Variants in RANBP17 observed in about 807,000 individuals in gnomAD.
RANBP17 encodes the protein ran-binding protein 17.
Under a neutral mutation model 141.2 loss-of-function variants are expected in RANBP17, and 158 were observed. That is an observed-to-expected ratio of 1.12 (90% confidence interval 0.98 to 1.28). The LOEUF (loss-of-function observed/expected upper bound fraction) is 1.28, where lower values mean the gene tolerates loss of function less well. Ranked by LOEUF, RANBP17 falls within the 50% of genes most tolerant of loss-of-function variation. RANBP17 has a pLI of 0.00. For synonymous variants in RANBP17, 430 were observed against 450.0 expected, an observed-to-expected ratio of 0.96 and a Z score of 0.56; for missense variants, 1,438 against 1,290.7, an observed-to-expected ratio of 1.11 and a Z score of -1.75.
At chr5:171,210,674 G>A (rs1023406283) in intron 20 of RANBP17, among the ~76,000 whole-genome samples, 1 of 151,934 alleles carries the variant, frequency 6.6e-6, no homozygotes, top group Non-Finnish European at 1.5e-5. Context: ...TTATATGTTG[G>A]TCACCCTAAT....
chr5:171,182,098 A>G (rs1265186894), intron 16 of RANBP17, among the ~76,000 whole-genome samples: 1 of 152,242 alleles, frequency 6.6e-6, no homozygotes, highest in Non-Finnish European at 1.5e-5. Flanking sequence ...GCCCCTGTGC[A>G]GAGGCAATAG....
At chr5:171,061,494 A>G (rs1451796081) in intron 14 of RANBP17, among the ~76,000 whole-genome samples, 1 of 151,744 alleles carries the variant, frequency 6.6e-6, no homozygotes, top group Non-Finnish European at 1.5e-5. Context: ...CTTAATCCTG[A>G]GTTCTAGTTT....
chr5:171,212,111 G>T (rs564375430), intron 20 of RANBP17, among the ~76,000 whole-genome samples: 1 of 152,214 alleles, frequency 6.6e-6, no homozygotes, highest in African/African-American at 2.4e-5. Context: ...CCATTAGGGA[G>T]AGGTAGGAGG....
chr5:171,239,171 C>T (rs1020687773), intron 22 of RANBP17, among the ~76,000 whole-genome samples: 6 of 152,054 alleles, frequency 3.9e-5, no homozygotes, highest in Non-Finnish European at 8.8e-5. Context: ...AGTAAATTAC[C>T]AGATATGCTT....
rs765925345 is a variant in RANBP17, at chr5:170,914,168, T to C, written c.762T>C (p.Ile254=). Residue 254 remains isoleucine (I), a splice_region_variant and synonymous_variant, in exon 8 of 28, where the codon ATT becomes ATC. Coordinates refer to ENST00000523189, the MANE Select transcript of RANBP17 (RefSeq NM_022897.5). The stretch of plus-strand genomic sequence containing the variant: ...TTAGAAAATAATTTTTTTTCCCAGT[T>C]TTCCTGGAACCAGAAACATTGGATC... ...TVQIPTTWRT[I]FLEPETLDLF... 6.2e-7 allele frequency: 1 copy of C among 1,602,198 alleles called. No individual in the cohort carries two copies. The highest frequency in any genetic ancestry group is 1.1e-5 in the South Asian group (1 of 90,774).
intron 24 of RANBP17, chr5:171,252,322 C>T (rs571400706): frequency 6.9e-5 from 107 of 1,544,224 alleles, no homozygotes; most frequent in Middle Eastern, 1.8e-4. Context: ...AGACCCAATG[C>T]GGGTTCATGA....
Position 170,897,013 on chromosome 5 carries a change from G to A in RANBP17, c.489+898G>A, listed in dbSNP as rs757840861. On this transcript the variant is annotated intron_variant, in intron 5 of 27. Transcript: ENST00000523189. ...CTGGGACCTGGCACTAAGGGAGCACGCCGCGGTCAGCCAGAAAGGAATCTA... is the reference window on the plus strand; with the variant it reads ...CTGGGACCTGGCACTAAGGGAGCACACCGCGGTCAGCCAGAAAGGAATCTA... 10 of 1,096,252 alleles carry A rather than the reference G, an allele frequency of 9.1e-6. No homozygotes were observed. In the African/African-American group the frequency reaches 9.4e-5, roughly 10 times the overall value. The allele number at this position is 1,096,252 out of a possible 1,614,324, so 67.9% of individuals were successfully genotyped here. A position where few individuals can be genotyped will look rare whatever the true frequency, so the allele number is the denominator to read the frequency against.
rs1226568384 is a variant in RANBP17, at chr5:170,919,516, G to T, written c.1177G>T (p.Val393Leu). ...WQRMVASVPF[V>L]KSTEPHLLDT... ...AAGGATGGTAGCATCTGTTCCTTTT[G>T]TGAAATCAACTGAACCCCACCTATT... Residue 393 changes from valine (V) to leucine (L), a missense_variant, in exon 11 of 28, where the codon GTG becomes TTG. Coordinates refer to ENST00000523189, the MANE Select transcript of RANBP17 (RefSeq NM_022897.5). 1.2e-6 allele frequency: 2 copies of T among 1,611,788 alleles called. No homozygotes were observed.
intron 14 of RANBP17, among the ~76,000 whole-genome samples, chr5:170,992,617 A>G (rs981239785): frequency 7.2e-5 from 11 of 152,186 alleles, no homozygotes; most frequent in African/African-American, 2.2e-4. Flanking sequence ...TCAGCATACT[A>G]CCTTTCACCT....
At chr5:171,205,688 A>G (rs776293671) in intron 20 of RANBP17, 76 bp downstream of exon 20, 62 of 1,111,786 alleles carry the variant, frequency 5.6e-5, no homozygotes, top group Non-Finnish European at 8.1e-5. Context: ...GTTTAATAGT[A>G]TGGCACAGTA....
chr5:171,103,316 G>C (rs1236426080), intron 14 of RANBP17, among the ~76,000 whole-genome samples: 1 of 152,210 alleles, frequency 6.6e-6, no homozygotes, highest in African/African-American at 2.4e-5. Flanking sequence ...GAGGAATCTG[G>C]AGAGGCAGTC....
At chr5:171,252,308 C>T in intron 24 of RANBP17, 1 of 1,550,506 alleles carries the variant, frequency 6.4e-7, no homozygotes, top group South Asian at 1.1e-5. Context: ...AATAACAGCA[C>T]CCCAGACCCA....
At chr5:170,911,519 A>G in intron 7 of RANBP17, 1 of 722,280 alleles carries the variant, frequency 1.4e-6, no homozygotes. Context: ...AGTGTTAGCA[A>G]AATCTGGTAA....
intron 14 of RANBP17, among the ~76,000 whole-genome samples, chr5:171,125,584 G>A (rs956774187): frequency 6.6e-6 from 1 of 152,096 alleles, no homozygotes; most frequent in Non-Finnish European, 1.5e-5. Context: ...GGTGTTTAAC[G>A]CTGTGCTTTC....
intron 14 of RANBP17, among the ~76,000 whole-genome samples, chr5:170,991,434 G>A (rs543442417): frequency 1.3e-5 from 2 of 152,030 alleles, no homozygotes; most frequent in African/African-American, 2.4e-5. Context: ...GGTAGTCACC[G>A]TATTCGGGTA....
intron 14 of RANBP17, among the ~76,000 whole-genome samples, chr5:171,006,573 A>T (rs1460451478): frequency 6.6e-6 from 1 of 152,142 alleles, no homozygotes; most frequent in African/African-American, 2.4e-5. Flanking sequence ...AGGAAGGGGA[A>T]CATCACACAC....
intron 14 of RANBP17, among the ~76,000 whole-genome samples, chr5:171,087,595 G>A (rs1309131270): frequency 6.6e-6 from 1 of 151,770 alleles, no homozygotes; most frequent in Non-Finnish European, 1.5e-5. Context: ...ATGTGTGGGA[G>A]TCTAAGTCTC....
intron 14 of RANBP17, among the ~76,000 whole-genome samples, chr5:171,070,528 A>G (rs1487488542): frequency 6.6e-6 from 1 of 152,132 alleles, no homozygotes; most frequent in Non-Finnish European, 1.5e-5. Flanking sequence ...TGCCCTGTCC[A>G]TAGACTACTG....
At chr5:171,133,362 TA>T (rs909391052) in intron 14 of RANBP17, among the ~76,000 whole-genome samples, 1 of 152,200 alleles carries the variant, frequency 6.6e-6, no homozygotes, top group African/African-American at 2.4e-5. Flanking sequence ...ATTAGCTTTT[TA>T]AAGTTTCTAT....
Sources: gnomAD v4.1 joint callset for allele counts (sites outside exome capture counted in the v4.1 genomes callset) on GRCh38, gnomAD v4.1.1 for gene constraint, MANE v1.5 for transcripts, NCBI Gene and HGNC (gene_info 2026-07-23, HGNC 2026-07-21) for gene names.